The following XPNPEP3 variants were observed in gnomAD, a reference collection of about 807,000 sequenced individuals.
The protein encoded by XPNPEP3 is xaa-Pro aminopeptidase 3.
XPNPEP3 carries 41 observed loss-of-function variants against 60.0 expected under a neutral mutation model. That is an observed-to-expected ratio of 0.68 (90% CI 0.53 to 0.89). The LOEUF is 0.89. Ranked by LOEUF, XPNPEP3 falls within the 40% of genes least tolerant of loss-of-function variation. The probability of loss-of-function intolerance (pLI) is 0.00; values close to 1 mark genes in which losing one functional copy is unlikely to be tolerated. For synonymous variants in XPNPEP3, 212 were observed against 223.2 expected (o/e 0.95, Z 0.45); for missense variants, 598 against 638.9 (o/e 0.94, Z 0.69).
chr22:40,924,191 A>G (rs1441704486), intron 8 of XPNPEP3, among the ~76,000 whole-genome samples, 171 bp from the exon 9 acceptor site: 2 of 152,142 alleles, frequency 1.3e-5, no homozygotes, highest in Non-Finnish European at 2.9e-5. Flanking sequence ...AATTGCATGT[A>G]AGAGGTCGCA....
At position 40,914,392 on chromosome 22, in the gene XPNPEP3, T is replaced by G. The variant is rs989117576; in HGVS notation, c.1055+68T>G. On this transcript the variant is annotated intron_variant, in intron 7 of 9. Coordinates refer to ENST00000357137, the MANE Select transcript of XPNPEP3 (RefSeq NM_022098.4). ...GTATGAGTTGGAATATGGCTATATT[T>G]GGAATGAATGACTAAAGAAATACTA... 8 of 1,303,432 alleles carry G rather than the reference T, an allele frequency of 6.1e-6. No homozygotes were observed. The Admixed American group carries it at 6.8e-5, about 11-fold the overall frequency. 80.7% of individuals were successfully genotyped at this position (1,303,432 alleles called of 1,614,324 possible).
At position 40,904,561 on chromosome 22, in the gene XPNPEP3, T is replaced by A. The variant is rs529252944; in HGVS notation, c.793-3026T>A. Among the ~76,000 whole-genome samples, 618 of 151,712 alleles carry A rather than the reference T, an allele frequency of 4.1e-3. 1 individual carries two copies. The highest frequency in any genetic ancestry group is 6.1e-3 in the Non-Finnish European group (417 of 67,872). ...AAGACCCCATCTCTTAAAAAAAAAA[T>A]TTTTTTAAGCCATGACAACAATTAT... On this transcript the variant is annotated intron_variant, in intron 4 of 9. Coordinates refer to ENST00000357137, the MANE Select transcript of XPNPEP3 (RefSeq NM_022098.4).
intron 4 of XPNPEP3, among the ~76,000 whole-genome samples, chr22:40,905,820 T>G (rs1234749361): frequency 6.6e-6 from 1 of 151,716 alleles, no homozygotes; most frequent in Admixed American, 6.6e-5. Flanking sequence ...TTAGACAGAG[T>G]CTCGCACTGT....
chr22:40,868,269 A>C (rs1601490528), intron 1 of XPNPEP3, among the ~76,000 whole-genome samples: 1 of 152,338 alleles, frequency 6.6e-6, no homozygotes, highest in African/African-American at 2.4e-5. Context: ...ATTCTCAATA[A>C]AAAATGTTGA....
chr22:40,886,547 C>A, intron 4 of XPNPEP3, 32 bp downstream of exon 4: 2 of 1,605,364 alleles, frequency 1.2e-6, no homozygotes, highest in South Asian at 2.2e-5. Context: ...TTTTTCCAGC[C>A]GGGCGCGGTG....
At chr22:40,861,529 C>T (rs1482666155) in intron 1 of XPNPEP3, 16 of 1,613,716 alleles carry the variant, frequency 9.9e-6, no homozygotes, top group Non-Finnish European at 1.3e-5. Flanking sequence ...GATGTATATC[C>T]TGTATCATAT....
intron 3 of XPNPEP3, among the ~76,000 whole-genome samples, chr22:40,883,535 ATT>A (rs1017925161): frequency 6.6e-6 from 1 of 151,410 alleles, no homozygotes; most frequent in Non-Finnish European, 1.5e-5. Flanking sequence ...ATTTTTTTTT[ATT>A]TTTTTGTAGA....
rs76463868 is a variant in XPNPEP3 at position 40,920,668 on chromosome 22, A to G, written c.1056-1665A>G. 8.4e-3 allele frequency among the ~76,000 whole-genome samples: 1,286 copies of G among 152,338 alleles called. 17 individuals carry two copies. Among genetic ancestry groups the G allele is most frequent in the Middle Eastern group, 0.041 (12 of 294 alleles). On this transcript the variant is annotated intron_variant, in intron 7 of 9. Coordinates refer to ENST00000357137, the MANE Select transcript of XPNPEP3 (RefSeq NM_022098.4). ...TCCAGAGTCTCTGATTAGTGGACCC[A>G]TATCAGTAAAGTTGCCTGATGCAAC... is the stretch of plus-strand genomic sequence containing the variant.
At chr22:40,915,252 G>A (rs958625202) in intron 7 of XPNPEP3, among the ~76,000 whole-genome samples, 10 of 151,762 alleles carry the variant, frequency 6.6e-5, no homozygotes, top group African/African-American at 1.5e-4. Context: ...GGATTTCACC[G>A]TGTTAGCCAA....
chr22:40,868,769 C>T (rs998190230), intron 1 of XPNPEP3, among the ~76,000 whole-genome samples: 2 of 151,920 alleles, frequency 1.3e-5, no homozygotes, highest in Non-Finnish European at 2.9e-5. Flanking sequence ...ATCACTTGAA[C>T]CCAGGAGGTG....
chr22:40,862,616 G>C (rs1176111433), intron 1 of XPNPEP3: 1 of 985,318 alleles, frequency 1.0e-6, no homozygotes, highest in Non-Finnish European at 1.2e-6. Flanking sequence ...AGCTCAGGCT[G>C]GGGGTGTCAA....
At chr22:40,861,227 A>G (rs2057943841) in intron 1 of XPNPEP3, 4 of 1,614,072 alleles carry the variant, frequency 2.5e-6, no homozygotes, top group Non-Finnish European at 3.4e-6. Context: ...ATTGAGATAC[A>G]TGTTTGGAGC....
At chr22:40,910,320 C>T (rs2058172572) in intron 6 of XPNPEP3, among the ~76,000 whole-genome samples, 1 of 152,054 alleles carries the variant, frequency 6.6e-6, no homozygotes, top group Non-Finnish European at 1.5e-5. Flanking sequence ...ATATGTGACT[C>T]CCCAAACAGT....
chr22:40,904,632 A>G (rs1033998044), intron 4 of XPNPEP3, among the ~76,000 whole-genome samples: 12 of 152,180 alleles, frequency 7.9e-5, no homozygotes, highest in African/African-American at 2.9e-4. Context: ...TAAAAAGACA[A>G]ATCCCTCTTT....
chr22:40,872,905 G>A (rs2058011971), intron 2 of XPNPEP3, among the ~76,000 whole-genome samples: 1 of 151,994 alleles, frequency 6.6e-6, no homozygotes, highest in Admixed American at 6.6e-5. Context: ...GAATGAACGG[G>A]AAGAATCAGT....
intron 7 of XPNPEP3, 24 bp downstream of exon 7, chr22:40,914,348 A>G: frequency 1.3e-6 from 2 of 1,585,178 alleles, no homozygotes; most frequent in Non-Finnish European, 1.7e-6. Flanking sequence ...AGAGTAACGT[A>G]TCCCACTGCT....
chr22:40,866,147 C>T (rs1269874485), intron 1 of XPNPEP3, among the ~76,000 whole-genome samples: 2 of 152,066 alleles, frequency 1.3e-5, no homozygotes, highest in Non-Finnish European at 2.9e-5. Context: ...CTTAATTCCT[C>T]TTTTTTCTTT....
At chr22:40,858,332 C>G (rs1010006152) in intron 1 of XPNPEP3, among the ~76,000 whole-genome samples, 11 of 151,924 alleles carry the variant, frequency 7.2e-5, no homozygotes, top group African/African-American at 2.7e-4. Context: ...ATCTCGAACT[C>G]CTGGCCTCAA....
Position 40,929,706 on chromosome 22 carries a change from G to C in XPNPEP3, c.*3271G>C. On this transcript the variant is annotated 3_prime_UTR_variant, in exon 10 of 10. Coordinates refer to ENST00000357137, the MANE Select transcript of XPNPEP3 (RefSeq NM_022098.4). ...TTGAGTCCCAGATTAACTAACTATA[G>C]CAGCTAAGCATTTGAATCAGACTTC... The C allele has an allele frequency of 6.6e-6, 1 of 152,126 alleles. No homozygotes were observed. The highest frequency in any genetic ancestry group is 2.1e-4 in the South Asian group (1 of 4,836). The allele number at this position is 152,126 out of a possible 1,614,324, so 9.4% of individuals were successfully genotyped here.
Sources: allele counts gnomAD v4.1 joint callset (sites outside exome capture counted in the v4.1 genomes callset), GRCh38; gene constraint gnomAD v4.1.1; transcripts MANE v1.5; gene names NCBI Gene and HGNC (gene_info 2026-07-23, HGNC 2026-07-21).